The following NLGN1 variants were observed in gnomAD, a reference collection of about 807,000 sequenced individuals.
NLGN1 encodes neuroligin 1, also known as neuroligin-1.
NLGN1 carries 12 observed loss-of-function variants against 65.5 expected under a neutral mutation model. The observed-to-expected ratio is 0.18, with a 90% confidence interval of 0.12 to 0.30. The LOEUF (loss-of-function observed/expected upper bound fraction) is 0.30, where lower values mean the gene tolerates loss of function less well. NLGN1 is among the 10% of genes least tolerant of loss of function. The pLI, the probability that NLGN1 is intolerant of heterozygous loss-of-function variation, is 1.00. For missense variants in NLGN1, 750 were observed against 1,007.1 expected (o/e 0.74, Z 3.46); for synonymous variants, 350 against 359.5 (o/e 0.97, Z 0.30).
intron 4 of NLGN1, among the ~76,000 whole-genome samples, chr3:173,878,233 G>A (rs1578940460): frequency 1.3e-5 from 2 of 152,044 alleles, no homozygotes; most frequent in South Asian, 4.2e-4. Flanking sequence ...GTAGAAACAG[G>A]GTTTCACCAG....
chr3:174,161,126 A>C (rs1726427302), intron 4 of NLGN1, among the ~76,000 whole-genome samples: 1 of 151,816 alleles, frequency 6.6e-6, no homozygotes, highest in Admixed American at 6.6e-5. Flanking sequence ...TGTTTTCTTT[A>C]CCTTTTCCTT....
At chr3:173,971,563 T>A (rs979255793) in intron 4 of NLGN1, among the ~76,000 whole-genome samples, 7 of 152,080 alleles carry the variant, frequency 4.6e-5, no homozygotes, top group Non-Finnish European at 1.0e-4. Flanking sequence ...GGAATAACTT[T>A]GTAATAGAAA....
At chr3:174,135,412 AAAGGGAGCAGTAGTTGTCT>A (rs1225546081) in intron 4 of NLGN1, among the ~76,000 whole-genome samples, 1 of 152,204 alleles carries the variant, frequency 6.6e-6, no homozygotes, top group Non-Finnish European at 1.5e-5. Context: ...AATATGCTCG[AAAGGGAGCAGTAGTTGTCT>A]AGAGAATATG....
chr3:173,615,474 T>A (rs1024410364), intron 3 of NLGN1, among the ~76,000 whole-genome samples: 2 of 152,126 alleles, frequency 1.3e-5, no homozygotes, highest in African/African-American at 2.4e-5. Context: ...TAAATGTAAG[T>A]TTGATATGTA....
At chr3:173,498,859 G>A (rs887530210) in intron 2 of NLGN1, among the ~76,000 whole-genome samples, 26 of 151,912 alleles carry the variant, frequency 1.7e-4, no homozygotes, top group South Asian at 6.2e-4. Context: ...CTTCTTTTGA[G>A]AAGTGTCTGT....
intron 4 of NLGN1, among the ~76,000 whole-genome samples, chr3:173,995,254 T>C (rs1216128866): frequency 6.6e-6 from 1 of 152,218 alleles, no homozygotes; most frequent in East Asian, 1.9e-4. Context: ...GCCTCAAGCC[T>C]AGTGAACTAT....
the NLGN1 span, among the ~76,000 whole-genome samples, chr3:174,294,303 C>A: frequency 2.6e-5 from 4 of 151,064 alleles, no homozygotes; most frequent in Non-Finnish European, 5.9e-5. Context: ...TTTTTCTATT[C>A]GTTTATTAAT....
At chr3:173,798,596 G>C (rs1263419692) in intron 3 of NLGN1, among the ~76,000 whole-genome samples, 2 of 152,062 alleles carry the variant, frequency 1.3e-5, no homozygotes, top group Non-Finnish European at 2.9e-5. Flanking sequence ...ACATTTCTGT[G>C]AACTTGCAAC....
chr3:173,490,945 G>T (rs540052525), intron 2 of NLGN1, among the ~76,000 whole-genome samples: 1 of 151,118 alleles, frequency 6.6e-6, no homozygotes, highest in Admixed American at 6.6e-5. Context: ...CATTGATTTT[G>T]TATCCTGAGA....
intron 3 of NLGN1, among the ~76,000 whole-genome samples, chr3:173,662,467 A>G (rs944004337): frequency 3.9e-5 from 6 of 152,036 alleles, no homozygotes; most frequent in African/African-American, 1.4e-4. Flanking sequence ...TTCATGAAGT[A>G]TATTAAAAAT....
chr3:173,713,511 C>A (rs962295757), intron 3 of NLGN1, among the ~76,000 whole-genome samples: 3 of 151,912 alleles, frequency 2.0e-5, no homozygotes, highest in African/African-American at 7.3e-5. Context: ...GGTGCTTAGG[C>A]CACTGATAAT....
intron 4 of NLGN1, among the ~76,000 whole-genome samples, chr3:174,030,090 C>T (rs1246277874): frequency 6.8e-6 from 1 of 146,508 alleles, no homozygotes; most frequent in African/African-American, 2.5e-5. Flanking sequence ...TGTGTTATTT[C>T]ATTTAATCCT....
chr3:173,559,355 C>G (rs1396022689), intron 2 of NLGN1, among the ~76,000 whole-genome samples: 3 of 152,134 alleles, frequency 2.0e-5, no homozygotes, highest in Admixed American at 6.6e-5. Flanking sequence ...TATCCTTATC[C>G]CTGAAAAGTC....
chr3:174,129,706 A>G (rs1393067915), intron 4 of NLGN1, among the ~76,000 whole-genome samples: 2 of 152,196 alleles, frequency 1.3e-5, no homozygotes, highest in African/African-American at 4.8e-5. Flanking sequence ...AGTCCTTATC[A>G]TTGTATATGT....
intron 3 of NLGN1, among the ~76,000 whole-genome samples, chr3:173,658,535 A>G (rs991630166): frequency 1.3e-5 from 2 of 152,084 alleles, no homozygotes; most frequent in African/African-American, 2.4e-5. Context: ...TGGAAATAGC[A>G]TAGAACTATC....
chr3:173,848,071 G>GGT (rs1287274669), intron 4 of NLGN1, among the ~76,000 whole-genome samples: 1 of 152,050 alleles, frequency 6.6e-6, no homozygotes, highest in Non-Finnish European at 1.5e-5. Context: ...TGTATTACCT[G>GGT]GGTTCAGATT....
At chr3:173,770,398 A>G (rs1021361702) in intron 3 of NLGN1, among the ~76,000 whole-genome samples, 8 of 152,220 alleles carry the variant, frequency 5.3e-5, no homozygotes, top group Non-Finnish European at 1.2e-4. Context: ...ATGATACATC[A>G]TAATTTCTGC....
chr3:174,029,205 C>A (rs1379488806), intron 4 of NLGN1, among the ~76,000 whole-genome samples: 1 of 152,194 alleles, frequency 6.6e-6, no homozygotes, highest in Non-Finnish European at 1.5e-5. Context: ...GCTGCAGACA[C>A]TCAACATCAG....
At chr3:174,105,676 A>AATATCTATATGTAGATATAGATATCT (rs147497438) in intron 4 of NLGN1, among the ~76,000 whole-genome samples, 7,944 of 145,980 alleles carry the variant, frequency 0.054, 271 homozygotes, top group African/African-American at 0.083. Context: ...TTGGAGACAT[A>AATATCTATATGTAGATATAGATATCT]ATATCTATAT....
Sources: gnomAD v4.1 joint callset for allele counts (sites outside exome capture counted in the v4.1 genomes callset) on GRCh38, gnomAD v4.1.1 for gene constraint, MANE v1.5 for transcripts, NCBI Gene and HGNC (gene_info 2026-07-23, HGNC 2026-07-21) for gene names.